The following ARID3B variants were observed in gnomAD, a reference collection of about 807,000 sequenced individuals.
The protein encoded by ARID3B is AT-rich interactive domain-containing protein 3B.
A neutral mutation model predicts 51.9 loss-of-function variants in ARID3B; 10 were observed. The observed-to-expected ratio is 0.19, with a 90% CI of 0.12 to 0.33. The LOEUF is 0.33. Ranked by LOEUF, ARID3B falls within the 10% of genes least tolerant of loss-of-function variation. The probability of loss-of-function intolerance (pLI) is 1.00; values close to 1 mark genes in which losing one functional copy is unlikely to be tolerated. For missense variants in ARID3B, 483 were observed against 716.3 expected, an observed-to-expected ratio of 0.67 and a Z score of 3.72; for synonymous variants, 205 against 279.5, an observed-to-expected ratio of 0.73 and a Z score of 2.66.
At chr15:74,563,502 A>T (rs1051483417) in intron 2 of ARID3B, among the ~76,000 whole-genome samples, 1 of 152,182 alleles carries the variant, frequency 6.6e-6, no homozygotes, top group Non-Finnish European at 1.5e-5. Flanking sequence ...GGGGAAAAAA[A>T]AGTTTTATGA....
At chr15:74,572,368 T>C (rs1204446039) in intron 2 of ARID3B, among the ~76,000 whole-genome samples, 2 of 152,218 alleles carry the variant, frequency 1.3e-5, no homozygotes, top group Non-Finnish European at 2.9e-5. Context: ...GGGTTTTGAA[T>C]GGTGAGGCTT....
In ARID3B at chr15:74,543,975, A is replaced by AGCAGCAG. The variant is rs529059345; in HGVS notation, c.39_40insGCAGCAG (p.Gln14AlafsTer72). On this transcript the variant is annotated frameshift_variant, in exon 2 of 9. Transcript: ENST00000346246. LOFTEE classifies it high-confidence loss of function. ...AGCAGCAGCAGCAGCAGCAGCAGCA[A>AGCAGCAG]CAACAGAAGCAGCCACACCTGGCTC... is the stretch of plus-strand genomic sequence containing the variant. 2 of 1,601,332 alleles carry AGCAGCAG rather than the reference A, an allele frequency of 1.2e-6. No homozygotes were observed. The highest frequency in any genetic ancestry group is 2.7e-5 in the African/African-American group (2 of 73,678).
chr15:74,542,946 G>A (rs1596247258), intron 1 of ARID3B, among the ~76,000 whole-genome samples: 1 of 152,110 alleles, frequency 6.6e-6, no homozygotes, highest in Admixed American at 6.6e-5. Context: ...CTTTTGGCCC[G>A]AAAGACTTTT....
chr15:74,555,278 G>A (rs187960864), intron 2 of ARID3B, among the ~76,000 whole-genome samples: 1 of 152,092 alleles, frequency 6.6e-6, no homozygotes, highest in African/African-American at 2.4e-5. Flanking sequence ...GCTTGGAGTG[G>A]CTGTGGCAAT....
chr15:74,547,426 G>T (rs1045066989), intron 2 of ARID3B, among the ~76,000 whole-genome samples: 1 of 151,952 alleles, frequency 6.6e-6, no homozygotes, highest in Admixed American at 6.6e-5. Context: ...CAAGTGATCC[G>T]CCCGTCCTGG....
At chr15:74,567,069 T>C (rs1194609172) in intron 2 of ARID3B, among the ~76,000 whole-genome samples, 3 of 152,362 alleles carry the variant, frequency 2.0e-5, no homozygotes, top group East Asian at 3.9e-4. Flanking sequence ...ATTGATTTAA[T>C]CATGTGCTTT....
At chr15:74,553,577 CT>C (rs1227523342) in intron 2 of ARID3B, among the ~76,000 whole-genome samples, 2 of 152,084 alleles carry the variant, frequency 1.3e-5, no homozygotes, top group African/African-American at 4.8e-5. Context: ...GGTTTTATCT[CT>C]TTTCCAGTAT....
chr15:74,554,261 G>A (rs1328113753), intron 2 of ARID3B, among the ~76,000 whole-genome samples: 1 of 151,280 alleles, frequency 6.6e-6, no homozygotes, highest in Non-Finnish European at 1.5e-5. Context: ...CACCCAACTC[G>A]GCCTCCCAAA....
intron 4 of ARID3B, among the ~76,000 whole-genome samples, chr15:74,578,227 G>GT (rs1186500705): frequency 2.0e-5 from 3 of 150,368 alleles, no homozygotes; most frequent in Non-Finnish European, 4.4e-5. Context: ...AGGCTGGAGT[G>GT]TAGTGGCACC....
intron 7 of ARID3B, among the ~76,000 whole-genome samples, chr15:74,592,580 G>A (rs1244861881): frequency 6.6e-6 from 1 of 152,222 alleles, no homozygotes; most frequent in Non-Finnish European, 1.5e-5. Context: ...AGGGCTGTTA[G>A]AAAAGACAGC....
chr15:74,593,223 C>G lies in ARID3B; in HGVS notation c.1506C>G (p.Gly502=). Reference sequence around the variant, plus strand: ...TTAACATGTCTGTGGACATCGATGGCACCACCTATGCAGGTGAGGCCCTGG... The same window carrying G: ...TTAACATGTCTGTGGACATCGATGGGACCACCTATGCAGGTGAGGCCCTGG... ...GSINMSVDID[G]TTYAGVLFAQ... Residue 502 remains glycine (G), a synonymous_variant, in exon 8 of 9, where the codon GGC becomes GGG. Coordinates refer to ENST00000346246, the MANE Select transcript of ARID3B (RefSeq NM_006465.4). 6.2e-7 allele frequency: 1 copy of G among 1,612,756 alleles called. No individual in the cohort carries two copies. The highest frequency in any genetic ancestry group is 8.5e-7 in the Non-Finnish European group (1 of 1,179,712).
intron 4 of ARID3B, among the ~76,000 whole-genome samples, chr15:74,584,799 G>A (rs138914301): frequency 1.6e-3 from 246 of 152,314 alleles, no homozygotes; most frequent in African/African-American, 5.9e-3. Flanking sequence ...TCACAGCTGT[G>A]GCCTGCTAGT....
Position 74,591,667 on chromosome 15 carries a change from C to T in ARID3B, c.1273C>T (p.Arg425Trp), listed in dbSNP as rs765661355. 1.1e-5 allele frequency: 18 copies of T among 1,609,082 alleles called. No individual in the cohort carries two copies. Among genetic ancestry groups the T allele is most frequent in the Non-Finnish European group, 1.3e-5 (15 of 1,177,822 alleles). Residue 425 changes from arginine (R) to tryptophan (W), a missense_variant, in exon 7 of 9, where the codon CGG becomes TGG. Arg to Trp is a moderately radical substitution (Grantham distance 101, BLOSUM62 -3). Around this residue, in one of 3 missense-constraint regions of ARID3B, gnomAD observed 265 missense variants for 354.4 expected, o/e 0.75. Coordinates refer to ENST00000346246, the MANE Select transcript of ARID3B (RefSeq NM_006465.4). This position sits in a 1 kb window ranked among gnomAD's most constrained non-coding sequence, Gnocchi z 5.8. ...GTRTAALEQL[R>W]ERLESGEPAE... ...TCGGACCGCCGCACTGGAGCAGCTG[C>T]GGGAGCGGCTGGAGTCAGGGGAGCC... is the stretch of plus-strand genomic sequence containing the variant.
chr15:74,553,440 G>C (rs2061645147), intron 2 of ARID3B, among the ~76,000 whole-genome samples: 1 of 152,174 alleles, frequency 6.6e-6, no homozygotes, highest in Admixed American at 6.5e-5. Flanking sequence ...CACTTTTGCT[G>C]TACCCCACAA....
Position 74,544,445 on chromosome 15 carries a change from C to T in ARID3B, c.509C>T (p.Thr170Ile), listed in dbSNP as rs1567114193. 2.5e-6 allele frequency: 4 copies of T among 1,614,148 alleles called. No homozygotes were observed. The highest frequency in any genetic ancestry group is 1.7e-5 in the Admixed American group (1 of 60,016). ...DASKASPSVS[T>I]AGQPNWNLDE... The stretch of plus-strand genomic sequence containing the variant: ...TCCAAGGCCTCACCTTCTGTCTCCA[C>T]AGCAGGACAGCCGAACTGGAATCTG... Residue 170 changes from threonine to isoleucine, a missense_variant, in exon 2 of 9, where the codon ACA becomes ATA. This residue lies in a region of ARID3B where 182 missense variants were observed against 244.5 expected (regional missense o/e 0.74). Coordinates refer to ENST00000346246, the MANE Select transcript of ARID3B (RefSeq NM_006465.4).
rs145112486 is a variant in ARID3B at position 74,586,217 on chromosome 15, C to T, written c.698-3603C>T. On this transcript the variant is annotated intron_variant, in intron 4 of 8. Coordinates refer to ENST00000346246, the MANE Select transcript of ARID3B (RefSeq NM_006465.4). ...CGGTTTCCAGTGCACCTCTTACCTG[C>T]GGTTTCTCTGTAGTGTGATGACAGT... 3.1e-3 allele frequency among the ~76,000 whole-genome samples: 473 copies of T among 152,344 alleles called. 1 individual carries two copies. The highest frequency in any genetic ancestry group is 8.2e-3 in the Admixed American group (126 of 15,302).
chr15:74,578,189 T>C (rs2061745343), intron 4 of ARID3B, among the ~76,000 whole-genome samples: 1 of 149,606 alleles, frequency 6.7e-6, no homozygotes, highest in African/African-American at 2.5e-5. Context: ...GTTTTTTTTG[T>C]TTTAAGCAAA....
At position 74,597,837 on chromosome 15, in the gene ARID3B, C is replaced by T. The variant is rs1440756342; in HGVS notation, c.*2063C>T. ...CCCTCACTGCCCTCAAGGACAACAG[C>T]AGGGTGTCACCCAGAGCCCGATGAG... On this transcript the variant is annotated 3_prime_UTR_variant, in exon 9 of 9. Transcript: ENST00000346246. 2.0e-6 allele frequency: 1 copy of T among 507,640 alleles called. No individual in the cohort carries two copies. The highest frequency in any genetic ancestry group is 3.8e-6 in the Non-Finnish European group (1 of 262,176). The allele number at this position is 507,640 out of a possible 1,614,324, so 31.4% of individuals were successfully genotyped here. A position where few individuals can be genotyped will look rare whatever the true frequency, so the allele number is the denominator to read the frequency against.
intron 1 of ARID3B, 43 bp from the exon 2 acceptor site, chr15:74,543,817 G>A (rs367980283): frequency 7.4e-7 from 1 of 1,345,780 alleles, no homozygotes; most frequent in African/African-American, 1.5e-5. Flanking sequence ...TAACATGGTT[G>A]TTTTTTCCCC....
Sources: allele counts gnomAD v4.1 joint callset (sites outside exome capture counted in the v4.1 genomes callset), GRCh38; gene constraint gnomAD v4.1.1; regional missense constraint gnomAD v4.1.1; non-coding constraint Gnocchi (gnomAD v3.1); transcripts MANE v1.5; gene names NCBI Gene and HGNC (gene_info 2026-07-23, HGNC 2026-07-21).